Variants in EYA1 observed in about 807,000 individuals in gnomAD.
EYA1 encodes protein phosphatase EYA1.
Under a neutral mutation model 82.0 loss-of-function variants are expected in EYA1, and 16 were observed. The observed-to-expected ratio is 0.20, with a 90% confidence interval of 0.13 to 0.30. EYA1 has a LOEUF of 0.30. Among genes scored for constraint, EYA1 ranks in the 10% least tolerant of loss-of-function variants. EYA1 has a pLI of 1.00. For missense variants in EYA1, 633 were observed against 730.7 expected, an observed-to-expected ratio of 0.87 and a Z score of 1.54; for synonymous variants, 261 against 264.4, an observed-to-expected ratio of 0.99 and a Z score of 0.12.
chr8:71,413,048 A>C (rs1457445964), intron 2 of EYA1, among the ~76,000 whole-genome samples: 1 of 152,232 alleles, frequency 6.6e-6, no homozygotes, highest in Non-Finnish European at 1.5e-5. Context: ...AGCCAATGTC[A>C]TAGGTAAAAG....
chr8:71,274,928 G>A (rs939188514), intron 9 of EYA1, among the ~76,000 whole-genome samples: 3 of 151,890 alleles, frequency 2.0e-5, no homozygotes, highest in Middle Eastern at 3.4e-3. Flanking sequence ...GAGAGAATGA[G>A]AGCGAGTGAA....
At chr8:71,225,235 G>A in intron 12 of EYA1, 1 of 456,272 alleles carries the variant, frequency 2.2e-6, no homozygotes, top group South Asian at 1.5e-5. Flanking sequence ...CTCATGAAGA[G>A]CTCAAGCGCT....
intron 1 of EYA1, 175 bp from the exon 2 acceptor site, chr8:71,356,686 G>T: frequency 3.1e-6 from 4 of 1,305,390 alleles, no homozygotes; most frequent in Non-Finnish European, 3.9e-6. Context: ...CTCAACTGTT[G>T]TTTCCTCCTG....
intron 3 of EYA1, among the ~76,000 whole-genome samples, chr8:71,348,135 T>C (rs1036472592): frequency 5.3e-5 from 8 of 152,180 alleles, no homozygotes; most frequent in Non-Finnish European, 1.0e-4. Flanking sequence ...ATTTTTTTTC[T>C]ATTATATTGT....
At chr8:71,321,593 C>T (rs932295127) in intron 6 of EYA1, 141 bp downstream of exon 6, 2 of 1,107,894 alleles carry the variant, frequency 1.8e-6, no homozygotes, top group Admixed American at 5.5e-5. Flanking sequence ...TCTTTAGAAA[C>T]AATCATACTA....
intron 2 of EYA1, among the ~76,000 whole-genome samples, chr8:71,526,138 A>G (rs532047482): frequency 6.6e-6 from 1 of 151,898 alleles, no homozygotes; most frequent in East Asian, 1.9e-4. Flanking sequence ...AAATAAATTG[A>G]CCTCTGAATG....
chr8:71,317,845 T>C (rs1822099334), intron 6 of EYA1, among the ~76,000 whole-genome samples, 156 bp from the exon 7 acceptor site: 1 of 152,234 alleles, frequency 6.6e-6, no homozygotes, highest in Non-Finnish European at 1.5e-5. Context: ...TACCATAAAG[T>C]ACAACTTCAG....
At chr8:71,388,218 G>A (rs1395608915) in intron 2 of EYA1, among the ~76,000 whole-genome samples, 1 of 152,140 alleles carries the variant, frequency 6.6e-6, no homozygotes, top group Non-Finnish European at 1.5e-5. Flanking sequence ...AGACACCAGT[G>A]ATCCCCAAGG....
rs186157152 is a variant in EYA1 at position 71,247,277 on chromosome 8, G to A, written c.1051-2585C>T. 3.9e-5 allele frequency among the ~76,000 whole-genome samples: 6 copies of A among 152,254 alleles called. No individual in the cohort carries two copies. The East Asian group carries it at 1.2e-3, about 29-fold the overall frequency. On this transcript the variant is annotated intron_variant, in intron 11 of 17. Coordinates refer to ENST00000340726, the MANE Select transcript of EYA1 (RefSeq NM_000503.6). Reference sequence around the variant, plus strand: ...CCAGCAGCCCTAGAGGAGGAACAGAGTACGTGAAATATGGCAGGATGGTGC... The same window carrying A: ...CCAGCAGCCCTAGAGGAGGAACAGAATACGTGAAATATGGCAGGATGGTGC...
At chr8:71,249,216 G>C (rs1813461614) in intron 11 of EYA1, among the ~76,000 whole-genome samples, 2 of 151,806 alleles carry the variant, frequency 1.3e-5, no homozygotes, top group South Asian at 4.1e-4. Flanking sequence ...TCTTTTATGG[G>C]CATTTTCCTA....
chr8:71,263,868 C>T (rs1268355688), intron 11 of EYA1, among the ~76,000 whole-genome samples: 2 of 152,160 alleles, frequency 1.3e-5, no homozygotes, highest in East Asian at 3.8e-4. Flanking sequence ...TGTCAATCCT[C>T]GGTCTAGAGT....
chr8:71,404,831 C>T (rs949349305), intron 2 of EYA1: 34 of 147,442 alleles, frequency 2.3e-4, no homozygotes, highest in East Asian at 4.2e-4. Flanking sequence ...GGCAGGAGAA[C>T]GGCGCGAACC....
At chr8:71,453,548 C>A (rs1344455316) in intron 2 of EYA1, among the ~76,000 whole-genome samples, 1 of 152,150 alleles carries the variant, frequency 6.6e-6, no homozygotes, top group Admixed American at 6.6e-5. Context: ...CGAAGGGAAG[C>A]CCATCAGACT....
At chr8:71,478,231 A>G (rs1177216886) in intron 2 of EYA1, among the ~76,000 whole-genome samples, 1 of 152,226 alleles carries the variant, frequency 6.6e-6, no homozygotes, top group African/African-American at 2.4e-5. Context: ...GGTCAGCAAC[A>G]ATTATTTTTA....
chr8:71,507,854 A>G (rs1812308942), intron 2 of EYA1, among the ~76,000 whole-genome samples: 1 of 152,210 alleles, frequency 6.6e-6, no homozygotes, highest in Admixed American at 6.5e-5. Context: ...TGAATTCCAA[A>G]CCCAGGTCCA....
rs546509915 is a variant in EYA1, at chr8:71,282,597, G to A, written c.827-10700C>T. Among the ~76,000 whole-genome samples the A allele has an allele frequency of 1.8e-4, 27 of 152,290 alleles. No homozygotes were observed. The South Asian group carries it at 5.2e-3, about 29-fold the overall frequency. On this transcript the variant is annotated intron_variant, in intron 9 of 17. Transcript: ENST00000340726. ...CACTTGTGTTCCTTGGCCTCTGAAA[G>A]GCCCTTTTCTCAGTTCTCCTCCTGA...
At chr8:71,221,986 G>A (rs901678593) in intron 12 of EYA1, among the ~76,000 whole-genome samples, 2 of 152,172 alleles carry the variant, frequency 1.3e-5, no homozygotes, top group South Asian at 2.1e-4. Context: ...GGAACGGGGC[G>A]AGCATATAAA....
chr8:71,345,475 G>A (rs1009664438), intron 3 of EYA1, among the ~76,000 whole-genome samples: 2 of 152,202 alleles, frequency 1.3e-5, no homozygotes, highest in African/African-American at 4.8e-5. Flanking sequence ...GCTTCAAACA[G>A]AGGCAGGCAG....
At chr8:71,362,308 G>A, upstream of EYA1, 3 of 632,060 alleles carry the variant, frequency 4.7e-6, no homozygotes, top group Non-Finnish European at 5.9e-6. Flanking sequence ...TTATGTAAAT[G>A]AACGCGCCCC....
Sources: allele counts gnomAD v4.1 joint callset (sites outside exome capture counted in the v4.1 genomes callset), GRCh38; gene constraint gnomAD v4.1.1; transcripts MANE v1.5; gene names NCBI Gene and HGNC (gene_info 2026-07-23, HGNC 2026-07-21).